The following PCDH15 variants were observed in gnomAD, a reference collection of about 807,000 sequenced individuals.
The protein encoded by PCDH15 is protocadherin-15.
Under a neutral mutation model 178.5 loss-of-function variants are expected in PCDH15, and 129 were observed. The observed-to-expected ratio is 0.72, with a 90% CI of 0.63 to 0.84. The LOEUF (loss-of-function observed/expected upper bound fraction) is 0.84, where lower values mean the gene tolerates loss of function less well. PCDH15 is among the 40% of genes least tolerant of loss of function. The pLI is 0.00. For synonymous variants in PCDH15, 800 were observed against 732.0 expected (o/e 1.09, Z -1.50); for missense variants, 2,230 against 2,099.9 (o/e 1.06, Z -1.21).
intron 2 of PCDH15, among the ~76,000 whole-genome samples, chr10:55,083,889 A>G (rs539093739): frequency 6.6e-6 from 1 of 151,726 alleles, no homozygotes; most frequent in Non-Finnish European, 1.5e-5. Context: ...AAACTACAAT[A>G]AAAACTATAA....
At chr10:54,918,896 A>T (rs888729347) in intron 2 of PCDH15, among the ~76,000 whole-genome samples, 2 of 152,184 alleles carry the variant, frequency 1.3e-5, no homozygotes, top group African/African-American at 4.8e-5. Flanking sequence ...ACCAAACATC[A>T]TAAGTGAGCC....
intron 2 of PCDH15, among the ~76,000 whole-genome samples, chr10:54,602,759 G>A (rs912493957): frequency 2.0e-5 from 3 of 151,964 alleles, no homozygotes; most frequent in African/African-American, 7.2e-5. Context: ...TTTATGTAGT[G>A]TATCACATTG....
At chr10:55,463,272 G>T (rs911305683) in intron 2 of PCDH15, among the ~76,000 whole-genome samples, 1 of 152,050 alleles carries the variant, frequency 6.6e-6, no homozygotes, top group Non-Finnish European at 1.5e-5. Flanking sequence ...GAGTTATACT[G>T]ATAAGAAATC....
At chr10:54,548,581 T>TTATA (rs573403330) in intron 2 of PCDH15, among the ~76,000 whole-genome samples, 2,107 of 146,928 alleles carry the variant, frequency 0.014, 44 homozygotes, top group African/African-American at 0.049. Context: ...ATAATATATA[T>TTATA]TATTGTATAT....
intron 1 of PCDH15, among the ~76,000 whole-genome samples, chr10:55,296,624 G>C (rs981953445): frequency 1.3e-5 from 2 of 152,234 alleles, no homozygotes; most frequent in Admixed American, 6.5e-5. Flanking sequence ...AGGAGCTGAG[G>C]GCAGAGACTA....
intron 13 of PCDH15, among the ~76,000 whole-genome samples, chr10:54,169,221 G>A (rs1184295651): frequency 9.8e-6 from 1 of 102,514 alleles, no homozygotes; most frequent in African/African-American, 4.1e-5. Context: ...CTTAGCGGCT[G>A]AAGACTGACA....
intron 3 of PCDH15, among the ~76,000 whole-genome samples, chr10:54,864,150 T>C (rs1286829157): frequency 6.6e-6 from 1 of 152,254 alleles, no homozygotes; most frequent in East Asian, 1.9e-4. Flanking sequence ...TCTGTGATAT[T>C]TTCATACACT....
chr10:54,431,745 G>A (rs1279865688), intron 3 of PCDH15, among the ~76,000 whole-genome samples: 1 of 152,074 alleles, frequency 6.6e-6, no homozygotes, highest in African/African-American at 2.4e-5. Context: ...AGTACAGAAT[G>A]TCCTAGGCAG....
intron 2 of PCDH15, among the ~76,000 whole-genome samples, chr10:55,600,203 A>T (rs975748631): frequency 6.6e-6 from 1 of 152,022 alleles, no homozygotes; most frequent in Non-Finnish European, 1.5e-5. Context: ...TATCTACTAA[A>T]AATACAAAAA....
intron 1 of PCDH15, among the ~76,000 whole-genome samples, chr10:55,263,298 A>C (rs1842195398): frequency 6.6e-6 from 1 of 152,096 alleles, no homozygotes; most frequent in Admixed American, 6.5e-5. Flanking sequence ...CTTCCTTTAC[A>C]ATGTTAAGGG....
chr10:55,004,293 G>A (rs1839870502), intron 2 of PCDH15, among the ~76,000 whole-genome samples: 1 of 152,074 alleles, frequency 6.6e-6, no homozygotes, highest in South Asian at 2.1e-4. Flanking sequence ...GATCCACGAT[G>A]AGATTTCTCA....
intron 3 of PCDH15, among the ~76,000 whole-genome samples, chr10:54,857,592 C>T (rs1450058251): frequency 1.3e-5 from 2 of 151,442 alleles, no homozygotes; most frequent in Non-Finnish European, 2.9e-5. Flanking sequence ...ATTACAGGCA[C>T]GTGCCGCCAT....
intron 2 of PCDH15, among the ~76,000 whole-genome samples, chr10:55,158,693 T>TAAA (rs71014458): frequency 3.0e-4 from 42 of 141,838 alleles, no homozygotes; most frequent in African/African-American, 1.1e-3. Context: ...TTGTTCTAAG[T>TAAA]AAAAAAAAAA....
intron 1 of PCDH15, among the ~76,000 whole-genome samples, chr10:54,664,702 T>C (rs897077644): frequency 6.6e-6 from 1 of 151,964 alleles, no homozygotes; most frequent in Non-Finnish European, 1.5e-5. Flanking sequence ...TACATGAGCA[T>C]TTCAATGAAA....
intron 3 of PCDH15, among the ~76,000 whole-genome samples, chr10:54,483,935 A>G (rs936633707): frequency 6.6e-6 from 1 of 151,906 alleles, no homozygotes; most frequent in East Asian, 1.9e-4. Flanking sequence ...CCTGTATCCA[A>G]ACTTGAGTTT....
intron 26 of PCDH15, among the ~76,000 whole-genome samples, chr10:53,885,143 T>C: frequency 6.6e-6 from 1 of 152,192 alleles, no homozygotes; most frequent in East Asian, 1.9e-4. Flanking sequence ...GGGGTACTTA[T>C]GGTCTCTCTA....
At chr10:55,483,009 G>A (rs1446996139) in intron 2 of PCDH15, among the ~76,000 whole-genome samples, 7 of 151,582 alleles carry the variant, frequency 4.6e-5, no homozygotes, top group Admixed American at 1.3e-4. Flanking sequence ...TTCTTACACT[G>A]TATATAAACA....
At chr10:54,166,076 C>T (rs1403615677) in intron 13 of PCDH15, among the ~76,000 whole-genome samples, 1 of 152,224 alleles carries the variant, frequency 6.6e-6, no homozygotes, top group African/African-American at 2.4e-5. Flanking sequence ...TTCAGTTCCT[C>T]TTCTCTCCAA....
intron 2 of PCDH15, among the ~76,000 whole-genome samples, chr10:54,996,544 G>A (rs1839648489): frequency 6.6e-6 from 1 of 152,142 alleles, no homozygotes; most frequent in Admixed American, 6.5e-5. Context: ...ACAGCCCTTT[G>A]GGGTGCCTTC....
Sources: allele counts gnomAD v4.1 joint callset (sites outside exome capture counted in the v4.1 genomes callset), GRCh38; gene constraint gnomAD v4.1.1; transcripts MANE v1.5; gene names NCBI Gene and HGNC (gene_info 2026-07-23, HGNC 2026-07-21).